C11orf54: variants seen among roughly 807,000 people sequenced by gnomAD.
C11orf54 encodes the protein beta-keto L-gulonate decarboxylase.
A neutral mutation model predicts 35.5 loss-of-function variants in C11orf54; 29 were observed. The observed-to-expected ratio is 0.82, with a 90% confidence interval of 0.61 to 1.11. C11orf54 has a LOEUF of 1.11. Among genes scored for constraint, C11orf54 ranks in the 50% most tolerant of loss-of-function variants. C11orf54 has a pLI of 0.00. For synonymous variants in C11orf54, 108 were observed against 121.1 expected (o/e 0.89, Z 0.71); for missense variants, 373 against 369.2 (o/e 1.01, Z -0.08).
At position 93,764,422 on chromosome 11, in the gene C11orf54, C is replaced by T. The variant is rs1195282196; in HGVS notation, c.*2734C>T. On this transcript the variant is annotated 3_prime_UTR_variant, in exon 9 of 9. Coordinates refer to ENST00000354421, the MANE Select transcript of C11orf54 (RefSeq NM_001286069.2). ...TCCAAGGGGTGTGGGAATATTAGAA[C>T]ATCTATTTATATATTTTATTTCGTC... 1.3e-5 allele frequency: 2 copies of T among 152,068 alleles called. No individual in the cohort carries two copies. The highest frequency in any genetic ancestry group is 2.9e-5 in the Non-Finnish European group (2 of 68,044). 9.4% of individuals were successfully genotyped at this position (152,068 alleles called of 1,614,324 possible).
chr11:93,757,224 T>C, intron 6 of C11orf54, 92 bp from the exon 7 acceptor site: 1 of 1,381,396 alleles, frequency 7.2e-7, no homozygotes, highest in Admixed American at 2.5e-5. Flanking sequence ...AAGAACAGAA[T>C]ATTTGCTTGA....
At chr11:93,747,146 T>C (rs1942514477) in intron 1 of C11orf54, 151 bp from the exon 2 acceptor site, 1 of 301,130 alleles carries the variant, frequency 3.3e-6, no homozygotes, top group Non-Finnish European at 6.0e-6. Flanking sequence ...TAAATTACAA[T>C]AAAATAAAGT....
In C11orf54 at chr11:93,754,843, C is replaced by T. The variant is rs536665262; in HGVS notation, c.331-367C>T. The T allele has an allele frequency of 1.4e-3, 205 of 148,716 alleles. 1 individual carries two copies. Among genetic ancestry groups the T allele is most frequent in the Non-Finnish European group, 2.0e-3 (136 of 69,252 alleles). 9.2% of individuals were successfully genotyped at this position (148,716 alleles called of 1,614,324 possible). On this transcript the variant is annotated intron_variant, in intron 5 of 8. Transcript: ENST00000354421. ...CCACCTCCCAGGTTCAAGCAATTCTCTTGCCTCAGCCTCTTGAGTAGCTGG... is the reference window on the plus strand; with the variant it reads ...CCACCTCCCAGGTTCAAGCAATTCTTTTGCCTCAGCCTCTTGAGTAGCTGG...
rs1591318318 is a variant in C11orf54 at position 93,741,928 on chromosome 11, G to C, written c.-98+200G>C. ...GGTGACGGGTGGGATGTGTGCCTGA[G>C]TGTTTTGTAATCCTTTGTCTATTTC... On this transcript the variant is annotated intron_variant, in intron 1 of 8. Transcript: ENST00000354421. 2.1e-5 allele frequency: 4 copies of C among 194,220 alleles called. No individual in the cohort carries two copies. The South Asian group carries it at 2.9e-4, about 14-fold the overall frequency. The allele number at this position is 194,220 out of a possible 1,614,324, so 12.0% of individuals were successfully genotyped here.
At position 93,757,124 on chromosome 11, in the gene C11orf54, A is replaced by ATG. The variant is rs3217337; in HGVS notation, c.508-177_508-176dup. On this transcript the variant is annotated intron_variant, in intron 6 of 8. Coordinates refer to ENST00000354421, the MANE Select transcript of C11orf54 (RefSeq NM_001286069.2). Reference sequence around the variant, plus strand: ...AGTAAATTACATGTAACTGATAAGTATGTGTGTGTGTGTGTGCATACATAT... The same window carrying ATG: ...AGTAAATTACATGTAACTGATAAGTATGTGTGTGTGTGTGTGTGCATACATAT... Among the ~76,000 whole-genome samples, 476 of 151,876 alleles carry ATG rather than the reference A, an allele frequency of 3.1e-3. 2 individuals are homozygous for ATG. Among genetic ancestry groups the ATG allele is most frequent in the African/African-American group, 9.8e-3 (404 of 41,426 alleles).
At chr11:93,742,995 T>G (rs937157467) in intron 1 of C11orf54, 1 of 152,174 alleles carries the variant, frequency 6.6e-6, no homozygotes, top group African/African-American at 2.4e-5. Flanking sequence ...TTTGTATTTT[T>G]TCTTTTTTCT....
chr11:93,744,169 G>C (rs1048522021), intron 1 of C11orf54, among the ~76,000 whole-genome samples: 1 of 152,198 alleles, frequency 6.6e-6, no homozygotes. Flanking sequence ...GAACGCACAA[G>C]TGTCTGTTAT....
At chr11:93,755,155 G>T in intron 5 of C11orf54, 55 bp from the exon 6 acceptor site, 2 of 1,524,726 alleles carry the variant, frequency 1.3e-6, no homozygotes, top group Non-Finnish European at 1.8e-6. Flanking sequence ...CATTATTCAA[G>T]ATATTCTCTT....
rs1290968413 is a variant in C11orf54 at position 93,762,341 on chromosome 11, T to A, written c.*653T>A. On this transcript the variant is annotated 3_prime_UTR_variant, in exon 9 of 9. Transcript: ENST00000354421. The stretch of plus-strand genomic sequence containing the variant: ...ATCAGTGTTTAGAAATGTTGATAGT[T>A]ATTGAATCTTTGAATTGAATTTTAA... 6.6e-6 allele frequency: 1 copy of A among 152,274 alleles called. No homozygotes were observed. The highest frequency in any genetic ancestry group is 2.4e-5 in the African/African-American group (1 of 41,478). The allele number at this position is 152,274 out of a possible 1,614,324, so 9.4% of individuals were successfully genotyped here. A position where few individuals can be genotyped will look rare whatever the true frequency, so the allele number is the denominator to read the frequency against.
chr11:93,754,198 G>A lies in C11orf54; in HGVS notation c.330+161G>A, dbSNP rs113375068. Among the ~76,000 whole-genome samples, 1,272 of 152,242 alleles carry A rather than the reference G, an allele frequency of 8.4e-3. 24 individuals carry two copies. The highest frequency in any genetic ancestry group is 0.029 in the African/African-American group (1,209 of 41,530). On this transcript the variant is annotated intron_variant, in intron 5 of 8. Coordinates refer to ENST00000354421, the MANE Select transcript of C11orf54 (RefSeq NM_001286069.2). The stretch of plus-strand genomic sequence containing the variant: ...TTCTGCTATAGCACACACTCCAACT[G>A]GACTAACTGTAATGGAGTACTAACT...
At chr11:93,751,092 C>G (rs1348742856) in intron 3 of C11orf54, among the ~76,000 whole-genome samples, 1 of 152,170 alleles carries the variant, frequency 6.6e-6, no homozygotes, top group Non-Finnish European at 1.5e-5. Context: ...CTAACCCCCT[C>G]CTGTTATACC....
At chr11:93,749,828 A>C (rs932180147) in intron 2 of C11orf54, among the ~76,000 whole-genome samples, 2 of 152,198 alleles carry the variant, frequency 1.3e-5, no homozygotes, top group Non-Finnish European at 2.9e-5. Flanking sequence ...TACTATCCAG[A>C]TCAAAATGTA....
Position 93,762,374 on chromosome 11 carries a change from T to G in C11orf54, c.*686T>G, listed in dbSNP as rs1234524646. ...CTTTGAATTGAATTTTAAAAATCCATTCTAGTAATCAGAGTATACTTTTTT... is the reference window on the plus strand; with the variant it reads ...CTTTGAATTGAATTTTAAAAATCCAGTCTAGTAATCAGAGTATACTTTTTT... On this transcript the variant is annotated 3_prime_UTR_variant, in exon 9 of 9. Transcript: ENST00000354421. 1 of 152,238 alleles carries G rather than the reference T, an allele frequency of 6.6e-6. No individual in the cohort carries two copies. The highest frequency in any genetic ancestry group is 1.9e-4 in the East Asian group (1 of 5,200). 9.4% of individuals were successfully genotyped at this position (152,238 alleles called of 1,614,324 possible).
At chr11:93,755,009 T>G in intron 5 of C11orf54, 1 of 469,712 alleles carries the variant, frequency 2.1e-6, no homozygotes, top group South Asian at 2.5e-5. Flanking sequence ...AGTGCTGGGA[T>G]TACAGGCATG....
intron 8 of C11orf54, among the ~76,000 whole-genome samples, chr11:93,761,077 A>T (rs940180333): frequency 6.6e-6 from 1 of 152,226 alleles, no homozygotes; most frequent in African/African-American, 2.4e-5. Context: ...TAGCAAAAGA[A>T]TTAGAAATAA....
chr11:93,752,494 T>C (rs1356948352), intron 3 of C11orf54, among the ~76,000 whole-genome samples: 2 of 152,158 alleles, frequency 1.3e-5, no homozygotes, highest in Non-Finnish European at 2.9e-5. Context: ...CATTCTCCCC[T>C]AGGTTCTATC....
At chr11:93,755,704 G>C (rs1337396002) in intron 6 of C11orf54, among the ~76,000 whole-genome samples, 1 of 142,136 alleles carries the variant, frequency 7.0e-6, no homozygotes, top group Non-Finnish European at 1.5e-5. Context: ...AGTGAGCCAA[G>C]ATCATGCTAC....
rs1168573004 is a variant in C11orf54 at position 93,762,865 on chromosome 11, A to G, written c.*1177A>G. On this transcript the variant is annotated 3_prime_UTR_variant, in exon 9 of 9. Transcript: ENST00000354421. ...ATACTCACTGATTGTAATGGTTGAA[A>G]TTTTCCTGAATAATCATTAGCCAAA... 6.6e-6 allele frequency: 1 copy of G among 152,192 alleles called. No individual in the cohort carries two copies. Among genetic ancestry groups the G allele is most frequent in the Non-Finnish European group, 1.5e-5 (1 of 68,040 alleles). 9.4% of individuals were successfully genotyped at this position (152,192 alleles called of 1,614,324 possible). A position where few individuals can be genotyped will look rare whatever the true frequency, so the allele number is the denominator to read the frequency against.
At chr11:93,753,811 CTG>C in intron 4 of C11orf54, 56 bp downstream of exon 4, 3 of 1,579,734 alleles carry the variant, frequency 1.9e-6, no homozygotes, top group Non-Finnish European at 1.7e-6. Flanking sequence ...GGGTTGATTA[CTG>C]TGTTTATTAT....
Sources: gnomAD v4.1 joint callset for allele counts (sites outside exome capture counted in the v4.1 genomes callset) on GRCh38, gnomAD v4.1.1 for gene constraint, MANE v1.5 for transcripts, NCBI Gene and HGNC (gene_info 2026-07-23, HGNC 2026-07-21) for gene names.